COL22A1: variants seen among roughly 807,000 people sequenced by gnomAD.
COL22A1 encodes the protein collagen type XXII alpha 1 chain.
In COL22A1, 221 loss-of-function variants were observed where a neutral mutation model predicts 248.9. The observed-to-expected ratio is 0.89, with a 90% confidence interval of 0.80 to 0.99. The LOEUF (loss-of-function observed/expected upper bound fraction) is 0.99. COL22A1 is among the 50% of genes least tolerant of loss of function. The pLI is 0.00. For synonymous variants in COL22A1, 891 were observed against 793.4 expected (o/e 1.12, Z -2.07); for missense variants, 2,240 against 2,179.0 (o/e 1.03, Z -0.56).
chr8:138,749,196 C>A (rs1357631170), intron 22 of COL22A1, among the ~76,000 whole-genome samples: 1 of 152,124 alleles, frequency 6.6e-6, no homozygotes, highest in African/African-American at 2.4e-5. Flanking sequence ...ACTGTGAGTC[C>A]ATTAACTCTC....
intron 41 of COL22A1, among the ~76,000 whole-genome samples, chr8:138,675,493 T>C (rs1416403361): frequency 6.6e-6 from 1 of 152,210 alleles, no homozygotes; most frequent in East Asian, 1.9e-4. Flanking sequence ...AAGATAAAGT[T>C]AGATTGTGCT....
chr8:138,696,533 C>A (rs1434198924), intron 32 of COL22A1, among the ~76,000 whole-genome samples: 1 of 152,232 alleles, frequency 6.6e-6, no homozygotes, highest in African/African-American at 2.4e-5. Flanking sequence ...CTTTCTCTCT[C>A]TATGTCTCTG....
chr8:138,638,758 G>C (rs1821415156), intron 47 of COL22A1, among the ~76,000 whole-genome samples: 1 of 152,198 alleles, frequency 6.6e-6, no homozygotes, highest in Non-Finnish European at 1.5e-5. Flanking sequence ...TCAATGAAAA[G>C]AAGTGACACA....
At chr8:138,649,624 C>T in intron 46 of COL22A1, 41 bp downstream of exon 46, 9 of 1,585,562 alleles carry the variant, frequency 5.7e-6, no homozygotes, top group South Asian at 1.1e-5. Flanking sequence ...ATGATATTTT[C>T]ATTGTAATGA....
At chr8:138,911,366 T>C (rs570792214) in intron 1 of COL22A1, among the ~76,000 whole-genome samples, 66 of 152,346 alleles carry the variant, frequency 4.3e-4, no homozygotes, top group African/African-American at 1.5e-3. Context: ...ACATAAGCTA[T>C]GACTTCTATT....
chr8:138,667,096 G>A (rs1299712979), intron 41 of COL22A1, among the ~76,000 whole-genome samples: 1 of 152,176 alleles, frequency 6.6e-6, no homozygotes, highest in African/African-American at 2.4e-5. Context: ...GAAAGATAAA[G>A]GTGTGCTGAA....
chr8:138,883,282 G>A, intron 1 of COL22A1, 38 bp from the exon 2 acceptor site: 1 of 1,155,532 alleles, frequency 8.7e-7, no homozygotes, highest in Non-Finnish European at 1.2e-6. Context: ...AGGCTCTCAA[G>A]CTGAAAGTCT....
At position 138,693,685 on chromosome 8, in the gene COL22A1, C is replaced by A; in HGVS notation, c.2715G>T (p.Gln905His). ...GPTGPPGAKG[Q>H]EGAHGAPGAA... is the part of the protein sequence containing the mutation. ...CTCCAGGAGCCCCATGTGCACCTTCCTGTCCCTTGGCACCCTGCACAGGAA... is the reference window on the plus strand; with the variant it reads ...CTCCAGGAGCCCCATGTGCACCTTCATGTCCCTTGGCACCCTGCACAGGAA... The change falls in exon 35 of 65, where the codon CAG (glutamine) becomes CAT (histidine). Residue 905 changes from glutamine to histidine, a missense_variant. Transcript: ENST00000303045. 6.3e-7 allele frequency: 1 copy of A among 1,580,010 alleles called. No homozygotes were observed. The highest frequency in any genetic ancestry group is 8.6e-7 in the Non-Finnish European group (1 of 1,162,564).
At chr8:138,634,821 C>A (rs971770040) in intron 49 of COL22A1, among the ~76,000 whole-genome samples, 189 bp downstream of exon 49, 1 of 152,216 alleles carries the variant, frequency 6.6e-6, no homozygotes, top group Non-Finnish European at 1.5e-5. Context: ...CAAGCCTACT[C>A]CAGACCGTCT....
chr8:138,762,535 C>T, intron 16 of COL22A1, 69 bp from the exon 17 acceptor site: 1 of 1,441,092 alleles, frequency 6.9e-7, no homozygotes. Flanking sequence ...GCACACATCC[C>T]CACAGTGACC....
chr8:138,592,175 C>CA (rs1415585330), intron 63 of COL22A1, among the ~76,000 whole-genome samples: 1 of 151,984 alleles, frequency 6.6e-6, no homozygotes, highest in East Asian at 1.9e-4. Flanking sequence ...ATAGGAATTT[C>CA]AAAAAAACAC....
rs767783368 is a variant in COL22A1, at chr8:138,598,703, A to T, written c.4365+16T>A. ...CCCGAGGAGCCCCGAGTCCAAAGCC[A>T]TATTAGCATCCTTACCCTCAGTCCT... On this transcript the variant is annotated intron_variant, in intron 61 of 64. Transcript: ENST00000303045. 1 of 1,607,988 alleles carries T rather than the reference A, an allele frequency of 6.2e-7. No individual in the cohort carries two copies. The highest frequency in any genetic ancestry group is 1.3e-5 in the African/African-American group (1 of 74,670).
chr8:138,774,400 C>T (rs1161509092), intron 16 of COL22A1, among the ~76,000 whole-genome samples: 2 of 150,844 alleles, frequency 1.3e-5, no homozygotes, highest in Non-Finnish European at 2.9e-5. Context: ...TTTTAAAATG[C>T]TCACCAAAAG....
At chr8:138,610,485 G>A (rs1462554238) in intron 56 of COL22A1, among the ~76,000 whole-genome samples, 1 of 152,170 alleles carries the variant, frequency 6.6e-6, no homozygotes, top group Non-Finnish European at 1.5e-5. Flanking sequence ...AATTTCAATG[G>A]AGTAAAAATG....
intron 11 of COL22A1, among the ~76,000 whole-genome samples, chr8:138,800,166 G>A (rs1363865426): frequency 6.6e-6 from 1 of 152,190 alleles, no homozygotes; most frequent in Non-Finnish European, 1.5e-5. Flanking sequence ...GGAAGGAGCA[G>A]TAGCCTCTGC....
chr8:138,889,505 T>C (rs1324016416), intron 1 of COL22A1, among the ~76,000 whole-genome samples: 2 of 152,024 alleles, frequency 1.3e-5, no homozygotes, highest in Non-Finnish European at 2.9e-5. Flanking sequence ...TAGATGGGAA[T>C]TGAACAATGA....
rs73362885 is a variant in COL22A1, at chr8:138,796,506, G to A, written c.1596+313C>T. On this transcript the variant is annotated intron_variant, in intron 12 of 64. Transcript: ENST00000303045. ...ACCTGCCCCCAGATTTCCACTTCTC[G>A]GGTATAGTTCAAACGTCAACATTTC... Among the ~76,000 whole-genome samples, 923 of 148,832 alleles carry A rather than the reference G, an allele frequency of 6.2e-3. 6 individuals are homozygous for A. Among genetic ancestry groups the A allele is most frequent in the African/African-American group, 0.022 (900 of 40,366 alleles).
intron 3 of COL22A1, among the ~76,000 whole-genome samples, chr8:138,849,647 T>C (rs968332300): frequency 5.3e-5 from 8 of 152,220 alleles, no homozygotes; most frequent in Admixed American, 5.2e-4. Flanking sequence ...GATGGTCAGT[T>C]TGCTACTTTC....
chr8:138,811,572 A>G (rs1301719209), intron 9 of COL22A1, among the ~76,000 whole-genome samples: 1 of 152,064 alleles, frequency 6.6e-6, no homozygotes, highest in East Asian at 1.9e-4. Context: ...AAGCCTGGGG[A>G]ACGCACATTC....
Sources: allele counts gnomAD v4.1 joint callset (sites outside exome capture counted in the v4.1 genomes callset), GRCh38; gene constraint gnomAD v4.1.1; transcripts MANE v1.5; gene names NCBI Gene and HGNC (gene_info 2026-07-23, HGNC 2026-07-21).